Variants in LCA5 observed in about 807,000 individuals in gnomAD.
LCA5 encodes lebercilin LCA5.
A neutral mutation model predicts 53.0 loss-of-function variants in LCA5; 37 were observed. The observed-to-expected ratio is 0.70, with a 90% CI of 0.54 to 0.92. The LOEUF is 0.92. LCA5 is among the 40% of genes least tolerant of loss of function. The pLI is 0.00. For missense variants in LCA5, 806 were observed against 790.5 expected (o/e 1.02, Z -0.23); for synonymous variants, 303 against 282.9 (o/e 1.07, Z -0.71).
chr6:79,537,687 C>T (rs767271368), upstream of LCA5, among the ~76,000 whole-genome samples: 14 of 151,904 alleles, frequency 9.2e-5, no homozygotes, highest in Non-Finnish European at 1.6e-4. Flanking sequence ...TCGTGGGCTC[C>T]GAGAGGGACG....
intron 1 of LCA5, among the ~76,000 whole-genome samples, chr6:79,527,801 C>G (rs1014933270): frequency 2.0e-5 from 3 of 152,180 alleles, no homozygotes; most frequent in African/African-American, 7.2e-5. Flanking sequence ...GGGTTAAGAG[C>G]AGACATCACA....
intron 3 of LCA5, among the ~76,000 whole-genome samples, chr6:79,505,732 G>A (rs1340129813): frequency 6.6e-6 from 1 of 152,086 alleles, no homozygotes; most frequent in Non-Finnish European, 1.5e-5. Flanking sequence ...CAGGCTTCTG[G>A]ATTTGGGTTT....
intron 3 of LCA5, among the ~76,000 whole-genome samples, chr6:79,506,070 A>G (rs2127675617): frequency 6.6e-6 from 1 of 152,268 alleles, no homozygotes; most frequent in East Asian, 1.9e-4. Flanking sequence ...TTGAATACCA[A>G]TCTCTTATAG....
At chr6:79,528,879 T>A (rs9341781) in intron 1 of LCA5, among the ~76,000 whole-genome samples, 14,237 of 152,138 alleles carry the variant, frequency 0.094, 1,486 homozygotes, top group East Asian at 0.55. Flanking sequence ...GTGGGAAACG[T>A]TGTACTTTCA....
chr6:79,523,687 C>G (rs1412018289), intron 1 of LCA5, among the ~76,000 whole-genome samples: 3 of 152,130 alleles, frequency 2.0e-5, no homozygotes, highest in African/African-American at 4.8e-5. Context: ...CTTACATTTG[C>G]GTAGCAGAAG....
chr6:79,516,583 T>C (rs890423401), intron 2 of LCA5, among the ~76,000 whole-genome samples: 14 of 152,002 alleles, frequency 9.2e-5, no homozygotes, highest in Non-Finnish European at 1.9e-4. Flanking sequence ...ATTCTATAAC[T>C]ACAAACTGAT....
At chr6:79,492,488 T>G in intron 5 of LCA5, 63 bp downstream of exon 5, 1 of 751,696 alleles carries the variant, frequency 1.3e-6, no homozygotes, top group Non-Finnish European at 2.3e-6. Context: ...CATTTCAGAA[T>G]TATTGTACTA....
At chr6:79,498,230 A>G (rs1293535596) in intron 3 of LCA5, among the ~76,000 whole-genome samples, 1 of 151,996 alleles carries the variant, frequency 6.6e-6, no homozygotes, top group Non-Finnish European at 1.5e-5. Context: ...ATGAGAGAGC[A>G]TGCATGCATA....
intron 1 of LCA5, among the ~76,000 whole-genome samples, chr6:79,521,327 A>T (rs1455107226): frequency 6.6e-6 from 1 of 152,234 alleles, no homozygotes; most frequent in African/African-American, 2.4e-5. Context: ...ATCTACATAC[A>T]TGGTTGGTGG....
rs1766854891 is a variant in LCA5, at chr6:79,528,385, C to A, written c.-192+8780G>T. Among the ~76,000 whole-genome samples, 4 of 152,116 alleles carry A rather than the reference C, an allele frequency of 2.6e-5. No individual in the cohort carries two copies. In the South Asian group the frequency reaches 8.3e-4, roughly 32 times the overall value. ...GTAAGGCAATGGCAATCACTCAGCT[C>A]TCCACATACCCAGTGCTAACGTCAT... On this transcript the variant is annotated intron_variant, in intron 1 of 7. Transcript: ENST00000369846.
At position 79,487,629 on chromosome 6, in the gene LCA5, G is replaced by A. The variant is rs139048294; in HGVS notation, c.1469C>T (p.Pro490Leu). The change falls in exon 8 of 8, where the codon CCA becomes CTA. Residue 490 changes from proline (P) to leucine (L), a missense_variant. Physicochemically the swap from Pro to Leu is moderately conservative, Grantham distance 98. Coordinates refer to ENST00000369846, the MANE Select transcript of LCA5 (RefSeq NM_001122769.3). ...DSRNLKYPVL[P>L]LLPDFESKLH... ...TTTTGATTCAAAATCAGGTAACAATGGCAAAACAGGGTATTTTAGATTTCG... is the reference window on the plus strand; with the variant it reads ...TTTTGATTCAAAATCAGGTAACAATAGCAAAACAGGGTATTTTAGATTTCG... The A allele has an allele frequency of 1.9e-6, 3 of 1,613,870 alleles. No individual in the cohort carries two copies. The highest frequency in any genetic ancestry group is 2.7e-5 in the African/African-American group (2 of 74,900).
At chr6:79,522,100 T>C (rs916173650) in intron 1 of LCA5, among the ~76,000 whole-genome samples, 12 of 152,216 alleles carry the variant, frequency 7.9e-5, no homozygotes, top group African/African-American at 2.9e-4. Context: ...AAAAAATTTA[T>C]ATATAAAAAA....
At chr6:79,494,798 G>A (rs1769935541) in intron 3 of LCA5, among the ~76,000 whole-genome samples, 1 of 152,136 alleles carries the variant, frequency 6.6e-6, no homozygotes. Flanking sequence ...TTTTCCTAGA[G>A]TAAACATCCT....
At chr6:79,528,065 T>C (rs972120237) in intron 1 of LCA5, among the ~76,000 whole-genome samples, 5 of 152,146 alleles carry the variant, frequency 3.3e-5, no homozygotes, top group African/African-American at 1.2e-4. Flanking sequence ...CCACTACAAG[T>C]GTGCTGCGAA....
chr6:79,521,331 T>C (rs548366301), intron 1 of LCA5, among the ~76,000 whole-genome samples: 1 of 152,296 alleles, frequency 6.6e-6, no homozygotes, highest in Non-Finnish European at 1.5e-5. Context: ...ACATACATGG[T>C]TGGTGGTAAA....
At chr6:79,500,513 A>T (rs535631605) in intron 3 of LCA5, among the ~76,000 whole-genome samples, 1 of 152,350 alleles carries the variant, frequency 6.6e-6, no homozygotes, top group South Asian at 2.1e-4. Flanking sequence ...GTGTTGTTAT[A>T]GCTCAATTCT....
At chr6:79,524,028 T>G (rs565333462) in intron 1 of LCA5, among the ~76,000 whole-genome samples, 15 of 152,342 alleles carry the variant, frequency 9.8e-5, no homozygotes, top group African/African-American at 3.6e-4. Flanking sequence ...GGTTTTTCTC[T>G]TAGAATTCCT....
intron 3 of LCA5, among the ~76,000 whole-genome samples, chr6:79,495,750 C>CAAA (rs10637240): frequency 0.12 from 9,125 of 73,504 alleles, 871 homozygotes; most frequent in East Asian, 0.57. Context: ...GACTCCATCT[C>CAAA]AAAAAAAAAA....
chr6:79,528,562 A>C (rs891192823), intron 1 of LCA5, among the ~76,000 whole-genome samples: 4 of 152,204 alleles, frequency 2.6e-5, no homozygotes, highest in Non-Finnish European at 4.4e-5. Flanking sequence ...AGATGTAACA[A>C]ATTCTTTTAA....
Sources: gnomAD v4.1 joint callset for allele counts (sites outside exome capture counted in the v4.1 genomes callset) on GRCh38, gnomAD v4.1.1 for gene constraint, MANE v1.5 for transcripts, NCBI Gene and HGNC (gene_info 2026-07-23, HGNC 2026-07-21) for gene names.